Variants in CNTNAP5 observed in about 807,000 individuals in gnomAD.
The protein encoded by CNTNAP5 is contactin associated protein family member 5.
CNTNAP5 carries 72 observed loss-of-function variants against 150.2 expected under a neutral mutation model. The ratio of observed to expected loss-of-function variants is 0.48; its 90% CI spans 0.40 to 0.58. CNTNAP5 has a LOEUF of 0.58. CNTNAP5 is among the 20% of genes least tolerant of loss of function. CNTNAP5 has a pLI of 0.00. For missense variants in CNTNAP5, 1,636 were observed against 1,626.2 expected (o/e 1.01, Z -0.10); for synonymous variants, 672 against 619.8 (o/e 1.08, Z -1.25).
intron 1 of CNTNAP5, among the ~76,000 whole-genome samples, chr2:124,032,678 A>G (rs1333284298): frequency 6.6e-6 from 1 of 152,126 alleles, no homozygotes; most frequent in Non-Finnish European, 1.5e-5. Flanking sequence ...TAATGTATAG[A>G]ATACATTTTA....
At chr2:124,250,627 A>T (rs1329819578) in intron 3 of CNTNAP5, among the ~76,000 whole-genome samples, 1 of 152,008 alleles carries the variant, frequency 6.6e-6, no homozygotes, top group Admixed American at 6.6e-5. Context: ...CCATTCGCAT[A>T]GAGTCCTGGC....
chr2:124,195,269 C>T (rs1051408874), intron 1 of CNTNAP5, among the ~76,000 whole-genome samples: 4 of 152,116 alleles, frequency 2.6e-5, no homozygotes, highest in African/African-American at 9.7e-5. Flanking sequence ...CTGCAGAGAG[C>T]GTGCATCCTG....
intron 3 of CNTNAP5, among the ~76,000 whole-genome samples, chr2:124,262,927 G>T (rs1287094051): frequency 6.6e-6 from 1 of 151,570 alleles, no homozygotes; most frequent in Non-Finnish European, 1.5e-5. Context: ...GTGATAGTTT[G>T]CTGAGAATGA....
chr2:124,813,212 G>T (rs1343088868), intron 19 of CNTNAP5, among the ~76,000 whole-genome samples: 1 of 151,864 alleles, frequency 6.6e-6, no homozygotes, highest in Non-Finnish European at 1.5e-5. Context: ...GAGTAGCTGG[G>T]ACTATAGGTG....
chr2:124,262,392 C>T (rs969510769), intron 3 of CNTNAP5, among the ~76,000 whole-genome samples: 1 of 152,132 alleles, frequency 6.6e-6, no homozygotes, highest in African/African-American at 2.4e-5. Context: ...AGGCTAATAC[C>T]TCAAATTAGA....
intron 6 of CNTNAP5, among the ~76,000 whole-genome samples, chr2:124,449,107 G>A (rs1221391242): frequency 2.6e-5 from 4 of 152,110 alleles, no homozygotes; most frequent in African/African-American, 9.7e-5. Flanking sequence ...GAGCTCTTTT[G>A]ATCTTAACCT....
intron 1 of CNTNAP5, among the ~76,000 whole-genome samples, chr2:124,075,951 T>C (rs1438753728): frequency 6.6e-6 from 1 of 152,170 alleles, no homozygotes; most frequent in Non-Finnish European, 1.5e-5. Flanking sequence ...CTGTGATAAG[T>C]AAAACTTGTG....
chr2:124,048,673 T>C (rs910097270), intron 1 of CNTNAP5, among the ~76,000 whole-genome samples: 1 of 152,220 alleles, frequency 6.6e-6, no homozygotes, highest in East Asian at 1.9e-4. Context: ...TTGGTAAATA[T>C]GCTTTCTTTT....
chr2:124,285,052 T>C (rs1191985842), intron 3 of CNTNAP5, among the ~76,000 whole-genome samples: 38 of 152,124 alleles, frequency 2.5e-4, no homozygotes. Context: ...TCAGTACAGT[T>C]TGTGAATTTG....
In CNTNAP5 at chr2:124,747,116, A is replaced by G. The variant is rs960741847; in HGVS notation, c.2078-113A>G. 13 of 887,364 alleles carry G rather than the reference A, an allele frequency of 1.5e-5. No homozygotes were observed. The African/African-American group carries it at 2.1e-4, about 14-fold the overall frequency. 55.0% of individuals were successfully genotyped at this position (887,364 alleles called of 1,614,324 possible). ...GAGGGAAGAAGACAGGAAGGGAAGG[A>G]GATTATCTATATACATCTATTCTCC... On this transcript the variant is annotated intron_variant, in intron 13 of 23. Coordinates refer to ENST00000682447, the MANE Select transcript of CNTNAP5 (RefSeq NM_001367498.1).
chr2:124,239,632 C>A (rs1364167748), intron 2 of CNTNAP5, among the ~76,000 whole-genome samples: 1 of 151,746 alleles, frequency 6.6e-6, no homozygotes, highest in Non-Finnish European at 1.5e-5. Context: ...CAGACAAAAT[C>A]GCCATATACA....
rs1696263422 is a variant in CNTNAP5, at chr2:124,575,518, C to A, written c.1756+12195C>A. ...TGTGATCCACTATTCATTCCCTGAG[C>A]ATGTTCCGTTTTTCTTATCTTTCCA... On this transcript the variant is annotated intron_variant, in intron 11 of 23. Coordinates refer to ENST00000682447, the MANE Select transcript of CNTNAP5 (RefSeq NM_001367498.1). 4.6e-5 allele frequency among the ~76,000 whole-genome samples: 7 copies of A among 152,188 alleles called. No homozygotes were observed. In the South Asian group the frequency reaches 1.4e-3, roughly 31 times the overall value.
intron 11 of CNTNAP5, among the ~76,000 whole-genome samples, chr2:124,572,294 T>C (rs1566811): frequency 0.98 from 148,393 of 151,786 alleles, 72,654 homozygotes; most frequent in East Asian, 1. Flanking sequence ...AAACAGCAGA[T>C]ACTGGGGTCT....
At chr2:124,477,536 C>A (rs1281086681) in intron 7 of CNTNAP5, among the ~76,000 whole-genome samples, 1 of 152,110 alleles carries the variant, frequency 6.6e-6, no homozygotes, top group Non-Finnish European at 1.5e-5. Context: ...TCTAGAAAAG[C>A]CATGACATTA....
intron 3 of CNTNAP5, among the ~76,000 whole-genome samples, chr2:124,359,549 C>T (rs1482067309): frequency 2.7e-5 from 4 of 147,014 alleles, no homozygotes; most frequent in Admixed American, 2.0e-4. Flanking sequence ...TTTCTGCCTT[C>T]ATTTCGTTAT....
chr2:124,399,662 A>G (rs1356697964), intron 3 of CNTNAP5, among the ~76,000 whole-genome samples: 1 of 152,118 alleles, frequency 6.6e-6, no homozygotes, highest in Non-Finnish European at 1.5e-5. Flanking sequence ...GATGGCAGAA[A>G]CTAGAGCCCA....
chr2:124,501,277 TTAAC>T (rs1694273437), intron 7 of CNTNAP5, among the ~76,000 whole-genome samples: 1 of 152,242 alleles, frequency 6.6e-6, no homozygotes, highest in Admixed American at 6.5e-5. Context: ...ATGTGTACAA[TTAAC>T]TAATCCCTGT....
intron 8 of CNTNAP5, among the ~76,000 whole-genome samples, chr2:124,516,346 T>C (rs376990553): frequency 7.2e-5 from 11 of 152,292 alleles, no homozygotes; most frequent in Admixed American, 5.2e-4. Context: ...TACCTTCGAA[T>C]TGTTAAATAA....
chr2:124,155,076 T>G (rs990489122), intron 1 of CNTNAP5, among the ~76,000 whole-genome samples: 1 of 5,282 alleles, frequency 1.9e-4, no homozygotes, highest in Non-Finnish European at 4.1e-4. Context: ...ACCATTCCCG[T>G]TTTTTTTTTT....
Sources: gnomAD v4.1 joint callset for allele counts (sites outside exome capture counted in the v4.1 genomes callset) on GRCh38, gnomAD v4.1.1 for gene constraint, MANE v1.5 for transcripts, NCBI Gene and HGNC (gene_info 2026-07-23, HGNC 2026-07-21) for gene names.